CLCC1: variants seen among roughly 807,000 people sequenced by gnomAD.
CLCC1 encodes chloride channel CLIC-like protein 1.
In CLCC1, 39 loss-of-function variants were observed where a neutral mutation model predicts 63.3. The ratio of observed to expected loss-of-function variants is 0.62; its 90% CI spans 0.48 to 0.81. The LOEUF (loss-of-function observed/expected upper bound fraction) is 0.81. CLCC1 is among the 30% of genes least tolerant of loss of function. CLCC1 has a pLI of 0.00. For missense variants in CLCC1, 549 were observed against 669.4 expected (o/e 0.82, Z 1.98); for synonymous variants, 217 against 239.8 (o/e 0.90, Z 0.88).
At chr1:108,951,232 A>T (rs947256936) in intron 2 of CLCC1, among the ~76,000 whole-genome samples, 1 of 152,118 alleles carries the variant, frequency 6.6e-6, no homozygotes, top group East Asian at 1.9e-4. Flanking sequence ...TAACCAAAAA[A>T]TTAGCCAGGC....
At chr1:108,947,285 T>A (rs775569922) in intron 5 of CLCC1, among the ~76,000 whole-genome samples, 4 of 152,162 alleles carry the variant, frequency 2.6e-5, no homozygotes, top group Non-Finnish European at 5.9e-5. Flanking sequence ...CAGCATATAC[T>A]GAGAGAAAAC....
chr1:108,949,967 C>T, intron 3 of CLCC1, 46 bp from the exon 4 acceptor site: 1 of 1,150,958 alleles, frequency 8.7e-7, no homozygotes. Context: ...AGTTTAGTTA[C>T]AAAAATAGCC....
chr1:108,939,291 A>T (rs28699103), intron 10 of CLCC1, among the ~76,000 whole-genome samples: 3 of 146,276 alleles, frequency 2.1e-5, no homozygotes, highest in Admixed American at 1.4e-4. Flanking sequence ...TAGATATATA[A>T]ATATACATAT....
At position 108,931,626 on chromosome 1, in the gene CLCC1, G is replaced by C; in HGVS notation, c.*921C>G. 2 of 1,025,186 alleles carry C rather than the reference G, an allele frequency of 2.0e-6. No homozygotes were observed. Among genetic ancestry groups the C allele is most frequent in the Non-Finnish European group, 2.5e-6 (2 of 795,382 alleles). 63.5% of individuals were successfully genotyped at this position (1,025,186 alleles called of 1,614,324 possible). On this transcript the variant is annotated 3_prime_UTR_variant, in exon 13 of 13. Transcript: ENST00000369969. The stretch of plus-strand genomic sequence containing the variant: ...TGGAATTAATTACATTAAGTGCTCA[G>C]CTAAAAAAAAAAAAAAAGTTCTAAA...
At chr1:108,954,767 A>G (rs1655651055) in intron 2 of CLCC1, among the ~76,000 whole-genome samples, 1 of 150,722 alleles carries the variant, frequency 6.6e-6, no homozygotes, top group Admixed American at 6.6e-5. Flanking sequence ...TTCAGCATTC[A>G]TTTGTTCAAC....
rs142389028 is a variant in CLCC1 at position 108,954,253 on chromosome 1, C to T, written c.-11-3805G>A. ...ACTAACTCCCAGGACTTTGGGAGGCCGAGGCAGGCAGATAATGAGGTCAGG... is the reference window on the plus strand; with the variant it reads ...ACTAACTCCCAGGACTTTGGGAGGCTGAGGCAGGCAGATAATGAGGTCAGG... On this transcript the variant is annotated intron_variant, in intron 2 of 12. Coordinates refer to ENST00000369969, the MANE Select transcript of CLCC1 (RefSeq NM_001377458.1). Among the ~76,000 whole-genome samples, 280 of 150,880 alleles carry T rather than the reference C, an allele frequency of 1.9e-3. 3 individuals are homozygous for T. Among genetic ancestry groups the T allele is most frequent in the South Asian group, 6.9e-3 (33 of 4,800 alleles).
In CLCC1 at chr1:108,932,317, T is replaced by G. The variant is rs1652135134; in HGVS notation, c.*230A>C. 6.6e-6 allele frequency: 1 copy of G among 152,126 alleles called. No homozygotes were observed. The highest frequency in any genetic ancestry group is 1.9e-4 in the East Asian group (1 of 5,196). 9.4% of individuals were successfully genotyped at this position (152,126 alleles called of 1,614,324 possible). ...AAGCTTCACAATATAAACCTTAATT[T>G]TAATGACATATTGGCTAGTCAATAA... On this transcript the variant is annotated 3_prime_UTR_variant, in exon 13 of 13. Transcript: ENST00000369969.
At chr1:108,941,991 T>C (rs1653915003) in intron 7 of CLCC1, among the ~76,000 whole-genome samples, 1 of 152,216 alleles carries the variant, frequency 6.6e-6, no homozygotes, top group South Asian at 2.1e-4. Context: ...ACAGCCTTAA[T>C]GCAACAAGTA....
Position 108,931,578 on chromosome 1 carries a change from A to C in CLCC1, c.*969T>G. ...AAATAGAACTATTTCTCTAATGGCC[A>C]ATGTTTTTTAAGAGTCATAACCTGG... On this transcript the variant is annotated 3_prime_UTR_variant, in exon 13 of 13. Coordinates refer to ENST00000369969, the MANE Select transcript of CLCC1 (RefSeq NM_001377458.1). 2.8e-6 allele frequency: 4 copies of C among 1,433,000 alleles called. No homozygotes were observed. Among genetic ancestry groups the C allele is most frequent in the South Asian group, 1.5e-5 (1 of 67,644 alleles). 88.8% of individuals were successfully genotyped at this position (1,433,000 alleles called of 1,614,324 possible).
intron 12 of CLCC1, chr1:108,932,724 C>T (rs1340249952): frequency 6.6e-6 from 1 of 152,176 alleles, no homozygotes; most frequent in African/African-American, 2.4e-5. Flanking sequence ...CCCAAGAGGA[C>T]ACTTTATACG....
In CLCC1 at chr1:108,931,564, T is replaced by A. The variant is rs532969537; in HGVS notation, c.*983A>T. The A allele has an allele frequency of 6.8e-7, 1 of 1,475,904 alleles. No individual in the cohort carries two copies. The highest frequency in any genetic ancestry group is 9.0e-7 in the Non-Finnish European group (1 of 1,105,950). The allele number at this position is 1,475,904 out of a possible 1,614,324, so 91.4% of individuals were successfully genotyped here. On this transcript the variant is annotated 3_prime_UTR_variant, in exon 13 of 13. Coordinates refer to ENST00000369969, the MANE Select transcript of CLCC1 (RefSeq NM_001377458.1). Reference sequence around the variant, plus strand: ...TGATTTGGATGGGCAAATAGAACTATTTCTCTAATGGCCAATGTTTTTTAA... The same window carrying A: ...TGATTTGGATGGGCAAATAGAACTAATTCTCTAATGGCCAATGTTTTTTAA...
chr1:108,935,969 C>T (rs189263), intron 11 of CLCC1, among the ~76,000 whole-genome samples: 1 of 151,788 alleles, frequency 6.6e-6, no homozygotes, highest in Non-Finnish European at 1.5e-5. Flanking sequence ...AAGGAGGCTT[C>T]CAGGCCATTG....
chr1:108,943,037 G>A (rs935788971), intron 7 of CLCC1, among the ~76,000 whole-genome samples: 4 of 152,074 alleles, frequency 2.6e-5, no homozygotes, highest in Non-Finnish European at 5.9e-5. Context: ...AGCCTGCTGA[G>A]TAGCTGGGAC....
At position 108,937,295 on chromosome 1, in the gene CLCC1, G is replaced by C. The variant is rs1314266614; in HGVS notation, c.1165C>G (p.Pro389Ala). The C allele has an allele frequency of 6.2e-7, 1 of 1,614,226 alleles. No individual in the cohort carries two copies. The change falls in exon 11 of 13, where the codon CCT becomes GCT. Residue 389 changes from proline (P) to alanine (A), a missense_variant. Transcript: ENST00000369969. ...RRRQEEIDYR[P>A]DGGAGDADFH... is the part of the protein sequence containing the mutation. ...TCGGCATCACCTGCTCCACCATCAGGTCTATAATCAATTTCCTCCTGCCGT... is the reference window on the plus strand; with the variant it reads ...TCGGCATCACCTGCTCCACCATCAGCTCTATAATCAATTTCCTCCTGCCGT...
chr1:108,946,065 TTTGGGAGGC>T (rs1283703574), intron 5 of CLCC1, among the ~76,000 whole-genome samples: 4 of 152,098 alleles, frequency 2.6e-5, no homozygotes, highest in Non-Finnish European at 5.9e-5. Context: ...ATCCCAGCAC[TTTGGGAGGC>T]ATGAGGCAGG....
In CLCC1 at chr1:108,934,688, G is replaced by C. The variant is rs770869029; in HGVS notation, c.1638C>G (p.Val546=). The change falls in exon 12 of 13, where the codon GTC becomes GTG. Residue 546 remains valine, a synonymous_variant. Coordinates refer to ENST00000369969, the MANE Select transcript of CLCC1 (RefSeq NM_001377458.1). ...TGTTCCTCTAGCCACAGGGGCTGCT[G>C]ACCGGATCCTGTCCACGTGGTCCAG... ...GVAGPRGQDP[V]SSPCG The C allele has an allele frequency of 1.4e-5, 22 of 1,613,254 alleles. No homozygotes were observed.
chr1:108,954,896 G>T (rs191377211), intron 2 of CLCC1, among the ~76,000 whole-genome samples: 1 of 149,630 alleles, frequency 6.7e-6, no homozygotes, highest in East Asian at 2.0e-4. Context: ...GCAATGGCAC[G>T]ATCTTGGCTC....
At chr1:108,961,581 C>G (rs892020346) in intron 2 of CLCC1, among the ~76,000 whole-genome samples, 1 of 152,252 alleles carries the variant, frequency 6.6e-6, no homozygotes, top group African/African-American at 2.4e-5. Context: ...AGCTAAAGGC[C>G]GGGCACGGTG....
intron 10 of CLCC1, among the ~76,000 whole-genome samples, chr1:108,938,532 G>A (rs1405063896): frequency 1.3e-5 from 2 of 152,170 alleles, no homozygotes; most frequent in African/African-American, 2.4e-5. Context: ...ATTTCCCTTG[G>A]CACATCTGAG....
Sources: allele counts gnomAD v4.1 joint callset (sites outside exome capture counted in the v4.1 genomes callset), GRCh38; gene constraint gnomAD v4.1.1; transcripts MANE v1.5; gene names NCBI Gene and HGNC (gene_info 2026-07-23, HGNC 2026-07-21).